Variants in SCLT1 observed in about 807,000 individuals in gnomAD.
SCLT1 encodes the protein sodium channel and clathrin linker 1.
SCLT1 carries 78 observed loss-of-function variants against 112.8 expected under a neutral mutation model. The observed-to-expected ratio is 0.69, with a 90% CI of 0.58 to 0.83. SCLT1 has a LOEUF of 0.83. SCLT1 is among the 40% of genes least tolerant of loss of function. The probability of loss-of-function intolerance (pLI) is 0.00; values close to 1 mark genes in which losing one functional copy is unlikely to be tolerated. For missense variants in SCLT1, 747 were observed against 770.4 expected, an observed-to-expected ratio of 0.97 and a Z score of 0.36; for synonymous variants, 257 against 254.7, an observed-to-expected ratio of 1.01 and a Z score of -0.09.
At chr4:129,058,137 T>C (rs2125725939) in intron 2 of SCLT1, among the ~76,000 whole-genome samples, 1 of 152,352 alleles carries the variant, frequency 6.6e-6, no homozygotes. Context: ...TTGGTTATTT[T>C]GCCATGGTTT....
At chr4:129,042,935 T>C (rs1486541119) in intron 4 of SCLT1, among the ~76,000 whole-genome samples, 1 of 152,034 alleles carries the variant, frequency 6.6e-6, no homozygotes, top group African/African-American at 2.4e-5. Context: ...CAGCTGGGCA[T>C]GGTGGCACAT....
At chr4:129,078,782 G>C (rs1225083074) in intron 2 of SCLT1, among the ~76,000 whole-genome samples, 3 of 152,092 alleles carry the variant, frequency 2.0e-5, no homozygotes, top group Admixed American at 6.6e-5. Context: ...TTTTAGTTCT[G>C]CATTAGTCCA....
chr4:128,884,240 T>C lies in SCLT1; in HGVS notation c.*237A>G, dbSNP rs985090009. ...AAAACAGACACATTGATGAAGGCAA[T>C]GAGTTCTTCTCAGCTGGTTTATTCT... On this transcript the variant is annotated 3_prime_UTR_variant, in exon 21 of 21. Transcript: ENST00000281142. The C allele has an allele frequency of 3.3e-5, 12 of 358,378 alleles. No homozygotes were observed. The Admixed American group carries it at 4.6e-4, about 14-fold the overall frequency. The allele number at this position is 358,378 out of a possible 1,614,324, so 22.2% of individuals were successfully genotyped here.
chr4:128,994,206 C>T (rs563852638), intron 8 of SCLT1, among the ~76,000 whole-genome samples: 17 of 152,210 alleles, frequency 1.1e-4, no homozygotes, highest in South Asian at 4.1e-4. Context: ...CCCTGGAAGT[C>T]ACCATTCCAA....
intron 3 of SCLT1, among the ~76,000 whole-genome samples, chr4:128,878,154 A>G (rs1200428915): frequency 6.6e-6 from 1 of 152,168 alleles, no homozygotes; most frequent in East Asian, 1.9e-4. Flanking sequence ...TTGTGATATG[A>G]AGTATAATAA....
chr4:128,908,533 C>T (rs981532926), intron 18 of SCLT1, among the ~76,000 whole-genome samples: 11 of 152,026 alleles, frequency 7.2e-5, no homozygotes, highest in African/African-American at 2.2e-4. Context: ...TTTGGACAAG[C>T]GAATATTACA....
intron 18 of SCLT1, among the ~76,000 whole-genome samples, chr4:128,921,978 T>C (rs1735919496): frequency 6.6e-6 from 1 of 152,098 alleles, no homozygotes; most frequent in Admixed American, 6.6e-5. Flanking sequence ...CATTATAAAG[T>C]GGGCAAAGGA....
intron 18 of SCLT1, among the ~76,000 whole-genome samples, chr4:128,897,622 C>CAGCATCAT (rs1442321638): frequency 5.3e-5 from 8 of 152,130 alleles, no homozygotes; most frequent in Non-Finnish European, 1.0e-4. Flanking sequence ...AACTAACGAG[C>CAGCATCAT]AAAATCACCA....
intron 5 of SCLT1, among the ~76,000 whole-genome samples, chr4:129,019,826 C>A (rs1038786823): frequency 7.9e-5 from 12 of 152,084 alleles, no homozygotes; most frequent in Non-Finnish European, 7.4e-5. Flanking sequence ...ATCCTAAAAA[C>A]TAGAATTGTT....
chr4:128,931,713 C>T (rs934676385), intron 18 of SCLT1, among the ~76,000 whole-genome samples: 2 of 152,204 alleles, frequency 1.3e-5, no homozygotes, highest in Non-Finnish European at 2.9e-5. Context: ...CAGCCCGCCT[C>T]GGCCTCCCAA....
chr4:128,957,523 T>C (rs1008728443), intron 12 of SCLT1, among the ~76,000 whole-genome samples: 1 of 152,144 alleles, frequency 6.6e-6, no homozygotes, highest in African/African-American at 2.4e-5. Context: ...ATGTCACTCA[T>C]TAACTCATAA....
intron 16 of SCLT1, 138 bp from the exon 17 acceptor site, chr4:128,943,326 T>G: frequency 1.7e-6 from 1 of 588,644 alleles, no homozygotes; most frequent in Non-Finnish European, 2.8e-6. Flanking sequence ...ACTGAAACTA[T>G]GTGGTTTCAA....
At chr4:129,060,803 C>G (rs1186205328) in intron 2 of SCLT1, among the ~76,000 whole-genome samples, 1 of 152,146 alleles carries the variant, frequency 6.6e-6, no homozygotes, top group Non-Finnish European at 1.5e-5. Context: ...CACTGGGTTC[C>G]TGGTGCAGGG....
At chr4:128,957,242 G>A in intron 12 of SCLT1, 118 bp from the exon 13 acceptor site, 1 of 558,458 alleles carries the variant, frequency 1.8e-6, no homozygotes, top group Non-Finnish European at 3.2e-6. Flanking sequence ...ATCTCTACTT[G>A]AATATCATGT....
At chr4:129,060,214 A>C (rs565761203) in intron 2 of SCLT1, among the ~76,000 whole-genome samples, 1 of 152,232 alleles carries the variant, frequency 6.6e-6, no homozygotes, top group Admixed American at 6.5e-5. Context: ...TAAATTTCTT[A>C]TTCATATTAT....
chr4:128,942,859 T>C, intron 17 of SCLT1, 137 bp downstream of exon 17: 1 of 568,896 alleles, frequency 1.8e-6, no homozygotes, highest in Non-Finnish European at 3.1e-6. Flanking sequence ...TGGTTAACAC[T>C]CTGAATTATG....
chr4:129,065,158 T>C (rs1440919842), intron 2 of SCLT1, among the ~76,000 whole-genome samples: 1 of 152,106 alleles, frequency 6.6e-6, no homozygotes, highest in South Asian at 2.1e-4. Flanking sequence ...AAGTTGGGTA[T>C]AGAAGTATCA....
chr4:129,071,734 G>C lies in SCLT1; in HGVS notation c.102+10572C>G, dbSNP rs143703241. On this transcript the variant is annotated intron_variant, in intron 2 of 20. Coordinates refer to ENST00000281142, the MANE Select transcript of SCLT1 (RefSeq NM_144643.4). Reference sequence around the variant, plus strand: ...CCTGAAGGCAGCAGATAGTTGGTTGGTGAGTTGTTATCCATTCTGCAGTTT... The same window carrying C: ...CCTGAAGGCAGCAGATAGTTGGTTGCTGAGTTGTTATCCATTCTGCAGTTT... Among the ~76,000 whole-genome samples the C allele has an allele frequency of 1.6e-3, 249 of 152,254 alleles. 2 individuals are homozygous for C. Among genetic ancestry groups the C allele is most frequent in the East Asian group, 0.014 (71 of 5,184 alleles).
At chr4:128,980,754 G>T (rs1354198434) in intron 9 of SCLT1, among the ~76,000 whole-genome samples, 1 of 152,120 alleles carries the variant, frequency 6.6e-6, no homozygotes, top group African/African-American at 2.4e-5. Context: ...AATTCATTGT[G>T]CAAAGCTTCT....
Sources: gnomAD v4.1 joint callset for allele counts (sites outside exome capture counted in the v4.1 genomes callset) on GRCh38, gnomAD v4.1.1 for gene constraint, MANE v1.5 for transcripts, NCBI Gene and HGNC (gene_info 2026-07-23, HGNC 2026-07-21) for gene names.